SRPK1: variants seen among roughly 807,000 people sequenced by gnomAD.
SRPK1 encodes the protein SFRS protein kinase 1.
SRPK1 carries 52 observed loss-of-function variants against 89.5 expected under a neutral mutation model. The ratio of observed to expected loss-of-function variants is 0.58; its 90% CI spans 0.46 to 0.73. SRPK1 has a LOEUF of 0.73. Ranked by LOEUF, SRPK1 falls within the 30% of genes least tolerant of loss-of-function variation. The probability of loss-of-function intolerance (pLI) is 0.00; values close to 1 mark genes in which losing one functional copy is unlikely to be tolerated. For synonymous variants in SRPK1, 255 were observed against 270.2 expected, an observed-to-expected ratio of 0.94 and a Z score of 0.55; for missense variants, 603 against 780.6, an observed-to-expected ratio of 0.77 and a Z score of 2.71.
chr6:35,899,219 C>G (rs1302498854), intron 2 of SRPK1, among the ~76,000 whole-genome samples: 1 of 152,140 alleles, frequency 6.6e-6, no homozygotes, highest in African/African-American at 2.4e-5. Flanking sequence ...CCACTATACT[C>G]CAAACAGATT....
Position 35,886,009 on chromosome 6 carries a change from C to T in SRPK1, c.478+715G>A, listed in dbSNP as rs558842531. Among the ~76,000 whole-genome samples the T allele has an allele frequency of 3.2e-4, 49 of 152,066 alleles. No homozygotes were observed. The South Asian group carries it at 4.2e-3, about 13-fold the overall frequency. Reference sequence around the variant, plus strand: ...CTTAGTATAATAAATACAATCATACCTTAAATTGTTCATCCAGTTTCTTTC... The same window carrying T: ...CTTAGTATAATAAATACAATCATACTTTAAATTGTTCATCCAGTTTCTTTC... On this transcript the variant is annotated intron_variant, in intron 6 of 15. Coordinates refer to ENST00000373825, the MANE Select transcript of SRPK1 (RefSeq NM_003137.5).
At chr6:35,856,719 T>A (rs1471357676) in intron 13 of SRPK1, among the ~76,000 whole-genome samples, 1 of 152,166 alleles carries the variant, frequency 6.6e-6, no homozygotes, top group African/African-American at 2.4e-5. Flanking sequence ...TAAGAAACAA[T>A]GTAACACATT....
rs1443279298 is a variant in SRPK1, at chr6:35,914,014, C to G, written c.74+6454G>C. Among the ~76,000 whole-genome samples the G allele has an allele frequency of 7.5e-5, 8 of 106,566 alleles. No homozygotes were observed. The South Asian group carries it at 2.7e-3, about 36-fold the overall frequency. The allele number at this position is 106,566 out of a possible 152,430, so 69.9% of individuals were successfully genotyped here. ...TTTTGAGATGGAGTTTTGCTCTTGT[C>G]GCCCAGGCTGGAGTGCAATGGCACG... On this transcript the variant is annotated intron_variant, in intron 2 of 15. Coordinates refer to ENST00000373825, the MANE Select transcript of SRPK1 (RefSeq NM_003137.5).
chr6:35,916,242 A>AAATT (rs10692371), intron 2 of SRPK1, among the ~76,000 whole-genome samples: 4,454 of 148,022 alleles, frequency 0.03, 145 homozygotes, highest in African/African-American at 0.078. Context: ...ATAAATAAAT[A>AAATT]AATTAATTAA....
At chr6:35,847,022 T>C (rs954472841) in intron 13 of SRPK1, among the ~76,000 whole-genome samples, 1 of 152,230 alleles carries the variant, frequency 6.6e-6, no homozygotes, top group Non-Finnish European at 1.5e-5. Context: ...AAAGGCCATA[T>C]TTAAGAAGGC....
At chr6:35,889,741 G>T (rs2127257724) in intron 3 of SRPK1, among the ~76,000 whole-genome samples, 1 of 151,322 alleles carries the variant, frequency 6.6e-6, no homozygotes, top group South Asian at 2.1e-4. Context: ...CTGAGATTGT[G>T]CCACTGCACT....
chr6:35,913,924 CAAGCTGAG>C (rs1445739003), intron 2 of SRPK1, among the ~76,000 whole-genome samples: 18 of 149,178 alleles, frequency 1.2e-4, no homozygotes, highest in African/African-American at 3.4e-4. Flanking sequence ...GGACCTATAA[CAAGCTGAG>C]AAATAAAAGT....
At chr6:35,918,491 T>C (rs1434576514) in intron 2 of SRPK1, among the ~76,000 whole-genome samples, 1 of 152,052 alleles carries the variant, frequency 6.6e-6, no homozygotes, top group Admixed American at 6.6e-5. Flanking sequence ...ACAGGCTTTC[T>C]TTTTGCCTCA....
chr6:35,890,905 A>T lies in SRPK1; in HGVS notation c.183T>A (p.Asp61Glu). Residue 61 changes from aspartate to glutamate, a missense_variant, in exon 3 of 16, where the codon GAT becomes GAA. Physicochemically the swap from Asp to Glu is conservative, Grantham distance 45. Coordinates refer to ENST00000373825, the MANE Select transcript of SRPK1 (RefSeq NM_003137.5). ...SDDDEQEDPN[D>E]YCKGGYHLVK... ...TCTTTATGAACTTACCTTTACAATA[A>T]TCATTAGGATCTTCTTGCTCATCAT... The T allele has an allele frequency of 6.4e-7, 1 of 1,550,556 alleles. No homozygotes were observed. The highest frequency in any genetic ancestry group is 8.7e-7 in the Non-Finnish European group (1 of 1,146,724).
chr6:35,914,393 G>A (rs1048337236), intron 2 of SRPK1, among the ~76,000 whole-genome samples: 9 of 152,122 alleles, frequency 5.9e-5, no homozygotes, highest in Non-Finnish European at 1.3e-4. Context: ...ACCAGATTTG[G>A]CAAGATTTTT....
In SRPK1 at chr6:35,860,124, A is replaced by G. The variant is rs193210229; in HGVS notation, c.1513-2756T>C. ...CGTGATCCGCCTGCCTCGGCCTCCC[A>G]AAGTGCTGGGATTACAGGGGCGAGC... On this transcript the variant is annotated intron_variant, in intron 12 of 15. Transcript: ENST00000373825. 1.7e-3 allele frequency among the ~76,000 whole-genome samples: 263 copies of G among 152,196 alleles called. 6 individuals carry two copies. The South Asian group carries it at 0.026, about 15-fold the overall frequency.
intron 7 of SRPK1, 53 bp from the exon 8 acceptor site, chr6:35,872,781 A>G: frequency 3.5e-6 from 5 of 1,439,156 alleles, no homozygotes; most frequent in South Asian, 1.5e-5. Context: ...GGCTTTCTGG[A>G]GAAGTAAGAG....
intron 12 of SRPK1, among the ~76,000 whole-genome samples, 167 bp from the exon 13 acceptor site, chr6:35,857,535 C>T (rs1003422181): frequency 5.3e-5 from 8 of 152,300 alleles, no homozygotes; most frequent in African/African-American, 1.9e-4. Flanking sequence ...CTCCAACAAT[C>T]CTTTGCCTTA....
At chr6:35,844,919 C>T (rs577857092) in intron 13 of SRPK1, among the ~76,000 whole-genome samples, 3 of 152,192 alleles carry the variant, frequency 2.0e-5, no homozygotes, top group South Asian at 2.1e-4. Context: ...CAGTGCTATA[C>T]GCCTGTGGTC....
intron 6 of SRPK1, among the ~76,000 whole-genome samples, chr6:35,877,836 C>A (rs1770187697): frequency 7.2e-6 from 1 of 137,994 alleles, no homozygotes; most frequent in Non-Finnish European, 1.6e-5. Flanking sequence ...ACCACTGACT[C>A]CGTCTCAAAA....
At chr6:35,868,392 T>C (rs1661493980) in intron 12 of SRPK1, among the ~76,000 whole-genome samples, 1 of 152,210 alleles carries the variant, frequency 6.6e-6, no homozygotes, top group Non-Finnish European at 1.5e-5. Flanking sequence ...TAAATGACAC[T>C]ATACATCATA....
chr6:35,854,171 G>A (rs2395638), intron 13 of SRPK1, among the ~76,000 whole-genome samples: 47,866 of 151,710 alleles, frequency 0.32, 7,783 homozygotes, highest in South Asian at 0.42. Flanking sequence ...GGCTAGTCTC[G>A]AACTCCTGGC....
rs558696795 is a variant in SRPK1 at position 35,841,535 on chromosome 6, G to C, written c.1690+1000C>G. The stretch of plus-strand genomic sequence containing the variant: ...AACTAAAACATAAGCTGCCTCAACT[G>C]TATAAAACATTTTCTTGGCTGAGCG... On this transcript the variant is annotated intron_variant, in intron 14 of 15. Coordinates refer to ENST00000373825, the MANE Select transcript of SRPK1 (RefSeq NM_003137.5). 2.6e-5 allele frequency among the ~76,000 whole-genome samples: 4 copies of C among 152,190 alleles called. No homozygotes were observed. In the South Asian group the frequency reaches 6.2e-4, roughly 24 times the overall value.
chr6:35,878,128 G>C (rs1042420339), intron 6 of SRPK1, among the ~76,000 whole-genome samples: 1 of 152,166 alleles, frequency 6.6e-6, no homozygotes, highest in Non-Finnish European at 1.5e-5. Context: ...TTTTTGCAAT[G>C]AATCAACAAA....
Sources: allele counts gnomAD v4.1 joint callset (sites outside exome capture counted in the v4.1 genomes callset), GRCh38; gene constraint gnomAD v4.1.1; transcripts MANE v1.5; gene names NCBI Gene and HGNC (gene_info 2026-07-23, HGNC 2026-07-21).